Variants in KDM2A observed in about 807,000 individuals in gnomAD.
KDM2A encodes lysine-specific demethylase 2A.
A neutral mutation model predicts 137.3 loss-of-function variants in KDM2A; 3 were observed. The observed-to-expected ratio is 0.02, with a 90% confidence interval of 0.01 to 0.06. The LOEUF (loss-of-function observed/expected upper bound fraction) is 0.06. Ranked by LOEUF, KDM2A falls within the 10% of genes least tolerant of loss-of-function variation. The pLI, the probability that KDM2A is intolerant of heterozygous loss-of-function variation, is 1.00. For synonymous variants in KDM2A, 512 were observed against 541.5 expected (o/e 0.95, Z 0.76); for missense variants, 738 against 1,510.6 (o/e 0.49, Z 8.48).
chr11:67,140,464 C>G (rs958175687), intron 2 of KDM2A, among the ~76,000 whole-genome samples: 9 of 151,914 alleles, frequency 5.9e-5, no homozygotes, highest in Admixed American at 2.6e-4. Flanking sequence ...AAAGAAGTTA[C>G]AAGTAGGCCT....
intron 10 of KDM2A, among the ~76,000 whole-genome samples, chr11:67,226,428 C>G (rs954589191): frequency 6.6e-6 from 1 of 152,054 alleles, no homozygotes; most frequent in Admixed American, 6.6e-5. Context: ...CCTTGAAAAT[C>G]AATCAGATTT....
At chr11:67,136,552 A>G (rs1855973431) in intron 2 of KDM2A, among the ~76,000 whole-genome samples, 1 of 152,208 alleles carries the variant, frequency 6.6e-6, no homozygotes. Context: ...TGCTTTGAAG[A>G]AATTACAAGG....
chr11:67,216,050 G>T (rs1358776594), intron 8 of KDM2A, 101 bp downstream of exon 8: 1 of 880,724 alleles, frequency 1.1e-6, no homozygotes, highest in Non-Finnish European at 1.9e-6. Flanking sequence ...AATCTGTTAG[G>T]GAATTGTCCC....
chr11:67,150,971 G>A (rs1004811902), intron 2 of KDM2A, among the ~76,000 whole-genome samples: 5 of 152,120 alleles, frequency 3.3e-5, no homozygotes, highest in Non-Finnish European at 7.4e-5. Context: ...CAGTGTGAGT[G>A]GGAGGGAGTA....
chr11:67,217,432 CAG>C, intron 8 of KDM2A: 2 of 351,272 alleles, frequency 5.7e-6, no homozygotes, highest in South Asian at 3.2e-5. Flanking sequence ...GGAAGCCAGA[CAG>C]AGTGTTTAAG....
At chr11:67,239,662 T>TC (rs1858967134) in intron 12 of KDM2A, among the ~76,000 whole-genome samples, 1 of 152,126 alleles carries the variant, frequency 6.6e-6, no homozygotes, top group Non-Finnish European at 1.5e-5. Flanking sequence ...GTGTGTGCAG[T>TC]CAGCCAGAGA....
chr11:67,226,430 A>G (rs1290272396), intron 10 of KDM2A, among the ~76,000 whole-genome samples: 1 of 152,152 alleles, frequency 6.6e-6, no homozygotes, highest in African/African-American at 2.4e-5. Context: ...TTGAAAATCA[A>G]TCAGATTTCC....
At chr11:67,147,013 G>T (rs1003945614) in intron 2 of KDM2A, among the ~76,000 whole-genome samples, 1 of 152,078 alleles carries the variant, frequency 6.6e-6, no homozygotes, top group Non-Finnish European at 1.5e-5. Context: ...TGTAGCAATA[G>T]TTAAAATTTG....
chr11:67,120,520 A>C (rs1388486773), intron 1 of KDM2A, among the ~76,000 whole-genome samples: 2 of 152,216 alleles, frequency 1.3e-5, no homozygotes, highest in Non-Finnish European at 2.9e-5. Context: ...ATTTTTGGAC[A>C]AGATGTATTT....
intron 2 of KDM2A, 99 bp from the exon 3 acceptor site, chr11:67,179,980 T>C: frequency 1.7e-6 from 2 of 1,211,790 alleles, no homozygotes; most frequent in South Asian, 3.3e-5. Context: ...GCAACTGAGT[T>C]TGAAAGTAGC....
chr11:67,242,880 TACAG>T (rs1176922566), intron 12 of KDM2A, 125 bp from the exon 13 acceptor site: 1 of 650,258 alleles, frequency 1.5e-6, no homozygotes, highest in Non-Finnish European at 2.8e-6. Flanking sequence ...GAAGGGCAAA[TACAG>T]ACAGTTGCCA....
intron 5 of KDM2A, among the ~76,000 whole-genome samples, chr11:67,201,819 G>C (rs1050973793): frequency 6.2e-5 from 9 of 144,514 alleles, no homozygotes; most frequent in African/African-American, 2.4e-4. Context: ...GCCATGCTTG[G>C]TGGTGTACAC....
At chr11:67,152,214 G>A (rs1048344641) in intron 2 of KDM2A, among the ~76,000 whole-genome samples, 1 of 152,090 alleles carries the variant, frequency 6.6e-6, no homozygotes, top group Non-Finnish European at 1.5e-5. Context: ...TTGGGAGGCT[G>A]AGGTGGGAGG....
chr11:67,143,019 T>G (rs1284921106), intron 2 of KDM2A, among the ~76,000 whole-genome samples: 1 of 146,298 alleles, frequency 6.8e-6, no homozygotes, highest in Non-Finnish European at 1.5e-5. Context: ...ATATATCTAT[T>G]CTTTTTTTTT....
At chr11:67,247,291 T>C (rs2136455353) in intron 15 of KDM2A, among the ~76,000 whole-genome samples, 1 of 149,884 alleles carries the variant, frequency 6.7e-6, no homozygotes, top group East Asian at 1.9e-4. Context: ...GGTGTCACCG[T>C]GTTGGCCAGG....
Position 67,201,234 on chromosome 11 carries a change from G to GTGTGTGTGTA in KDM2A, c.308-6275_308-6274insGTGTGTGTAT, listed in dbSNP as rs555985556. 2.0e-4 allele frequency among the ~76,000 whole-genome samples: 29 copies of GTGTGTGTGTA among 145,672 alleles called. 1 individual carries two copies. The highest frequency in any genetic ancestry group is 6.9e-3 in the Middle Eastern group (2 of 288). On this transcript the variant is annotated intron_variant, in intron 5 of 20. Coordinates refer to ENST00000529006, the MANE Select transcript of KDM2A (RefSeq NM_012308.3). ...TATATATATATGTGTGTGTGTGTGT[G>GTGTGTGTGTA]TATATATATATATTTCATAAGGCTA...
intron 10 of KDM2A, 34 bp from the exon 11 acceptor site, chr11:67,228,003 A>C (rs750072254): frequency 5.6e-6 from 9 of 1,594,402 alleles, no homozygotes; most frequent in Middle Eastern, 1.7e-4. Flanking sequence ...TTCCTTGAAA[A>C]TCGTCATCTT....
At chr11:67,226,678 C>T (rs924599766) in intron 10 of KDM2A, among the ~76,000 whole-genome samples, 13 of 152,080 alleles carry the variant, frequency 8.5e-5, no homozygotes, top group African/African-American at 2.4e-4. Flanking sequence ...GCCGAGATCG[C>T]GCCACTGCAC....
At chr11:67,142,686 A>G (rs1193003336) in intron 2 of KDM2A, among the ~76,000 whole-genome samples, 1 of 151,738 alleles carries the variant, frequency 6.6e-6, no homozygotes, top group Non-Finnish European at 1.5e-5. Flanking sequence ...ACTGGGGGAC[A>G]AGCGTGAGAC....
Sources: gnomAD v4.1 joint callset for allele counts (sites outside exome capture counted in the v4.1 genomes callset) on GRCh38, gnomAD v4.1.1 for gene constraint, MANE v1.5 for transcripts, NCBI Gene and HGNC (gene_info 2026-07-23, HGNC 2026-07-21) for gene names.